CCDC30: variants seen among roughly 807,000 people sequenced by gnomAD.
CCDC30 encodes coiled-coil domain-containing protein 30.
In CCDC30, 70 loss-of-function variants were observed where a neutral mutation model predicts 100.2. The observed-to-expected ratio is 0.70, with a 90% CI of 0.58 to 0.85. The LOEUF (loss-of-function observed/expected upper bound fraction) is 0.85. Among genes scored for constraint, CCDC30 ranks in the 40% least tolerant of loss-of-function variants. The pLI is 0.00. For synonymous variants in CCDC30, 233 were observed against 269.5 expected (o/e 0.86, Z 1.33); for missense variants, 652 against 771.2 (o/e 0.85, Z 1.83).
chr1:42,641,831 G>A (rs980532911), intron 12 of CCDC30, among the ~76,000 whole-genome samples: 5 of 151,836 alleles, frequency 3.3e-5, no homozygotes, highest in African/African-American at 9.7e-5. Flanking sequence ...CTCCAGCCTG[G>A]GCAACAAAGC....
intron 11 of CCDC30, among the ~76,000 whole-genome samples, chr1:42,617,547 C>T (rs1646749488): frequency 6.6e-6 from 1 of 152,122 alleles, no homozygotes; most frequent in Admixed American, 6.6e-5. Flanking sequence ...TTTTATTACT[C>T]AAATCAGTCT....
intron 1 of CCDC30, among the ~76,000 whole-genome samples, chr1:42,466,328 G>A (rs1643580970): frequency 6.6e-6 from 1 of 152,052 alleles, no homozygotes; most frequent in Admixed American, 6.5e-5. Flanking sequence ...TACCTACCAG[G>A]AGAAAAAACA....
At chr1:42,621,192 A>G (rs1387290406) in intron 11 of CCDC30, among the ~76,000 whole-genome samples, 1 of 152,226 alleles carries the variant, frequency 6.6e-6, no homozygotes, top group African/African-American at 2.4e-5. Context: ...GTATTTATGC[A>G]GTACATGAGA....
At chr1:42,505,269 G>A (rs1644377622) in intron 6 of CCDC30, among the ~76,000 whole-genome samples, 1 of 152,120 alleles carries the variant, frequency 6.6e-6, no homozygotes, top group Admixed American at 6.6e-5. Context: ...AGGATTTGCA[G>A]GATAATTGGC....
intron 6 of CCDC30, among the ~76,000 whole-genome samples, chr1:42,532,123 C>A (rs1249728170): frequency 2.6e-5 from 4 of 152,112 alleles, no homozygotes; most frequent in Non-Finnish European, 5.9e-5. Context: ...GAGACCCTGT[C>A]TCTTAAAAAA....
At chr1:42,580,728 A>G (rs149502012) in intron 8 of CCDC30, 30 of 359,750 alleles carry the variant, frequency 8.3e-5, no homozygotes, top group African/African-American at 5.9e-4. Context: ...AAATTTGTAA[A>G]TCATATTTTT....
intron 3 of CCDC30, among the ~76,000 whole-genome samples, chr1:42,484,134 A>T (rs1001487837): frequency 3.5e-5 from 5 of 143,726 alleles, no homozygotes; most frequent in African/African-American, 1.2e-4. Flanking sequence ...AAATAATAAT[A>T]AAAAAAAGAA....
At chr1:42,498,373 G>A (rs533020018) in intron 5 of CCDC30, among the ~76,000 whole-genome samples, 1 of 152,150 alleles carries the variant, frequency 6.6e-6, no homozygotes, top group Non-Finnish European at 1.5e-5. Flanking sequence ...TTGCACAACA[G>A]TGTGCCTGAC....
At chr1:42,515,495 G>A (rs10158717) in intron 6 of CCDC30, among the ~76,000 whole-genome samples, 52,877 of 152,022 alleles carry the variant, frequency 0.35, 9,370 homozygotes, top group East Asian at 0.39. Context: ...CCTTGAGGTT[G>A]AAATGAGACT....
exon 17 of CCDC30, chr1:42,654,098 A>G: frequency 9.0e-7 from 1 of 1,111,944 alleles, no homozygotes; most frequent in Non-Finnish European, 1.3e-6. Flanking sequence ...GTGGACCATG[A>G]CATTGAGAAG....
chr1:42,605,154 CTG>C (rs1185292975), intron 10 of CCDC30, among the ~76,000 whole-genome samples: 1 of 152,216 alleles, frequency 6.6e-6, no homozygotes, highest in Non-Finnish European at 1.5e-5. Context: ...ACCTCTGACA[CTG>C]TGTAGTACCA....
chr1:42,573,266 CTAATT>C (rs1242477332), intron 7 of CCDC30, among the ~76,000 whole-genome samples: 1 of 152,100 alleles, frequency 6.6e-6, no homozygotes, highest in African/African-American at 2.4e-5. Context: ...ATTGAATCCT[CTAATT>C]TAAGAAGAGA....
intron 12 of CCDC30, among the ~76,000 whole-genome samples, chr1:42,641,806 G>T (rs1428889249): frequency 6.6e-6 from 1 of 151,968 alleles, no homozygotes; most frequent in Non-Finnish European, 1.5e-5. Context: ...AGTGAGCCGA[G>T]ATATTGCCAC....
chr1:42,602,646 C>T (rs1393794606), intron 10 of CCDC30, among the ~76,000 whole-genome samples: 1 of 152,180 alleles, frequency 6.6e-6, no homozygotes, highest in Non-Finnish European at 1.5e-5. Context: ...ATTGAATCCA[C>T]ATACTAACCT....
exon 15 of CCDC30, chr1:42,646,239 C>A (rs1405607028): frequency 6.4e-7 from 1 of 1,555,874 alleles, no homozygotes; most frequent in Non-Finnish European, 8.7e-7. Context: ...AGGTCTTCAC[C>A]AGCAACAATG....
chr1:42,491,134 A>G (rs1375482027), intron 4 of CCDC30, among the ~76,000 whole-genome samples: 2 of 152,260 alleles, frequency 1.3e-5, no homozygotes, highest in African/African-American at 4.8e-5. Flanking sequence ...TATAAAATGA[A>G]CACTGCTTTC....
intron 11 of CCDC30, among the ~76,000 whole-genome samples, chr1:42,618,463 C>T (rs931261770): frequency 1.3e-5 from 2 of 151,942 alleles, no homozygotes; most frequent in African/African-American, 2.4e-5. Context: ...CTGGAACTCC[C>T]GACCTCAGGT....
rs572439596 is a variant in CCDC30 at position 42,636,369 on chromosome 1, G to A, written c.1278-868G>A. On this transcript the variant is annotated intron_variant, in intron 11 of 16. Coordinates refer to ENST00000668663, the Ensembl canonical transcript of CCDC30. Reference sequence around the variant, plus strand: ...TGTAGTGAGCCATGATTGTACCACTGCACTCCAGCCTGGGTGACAGAGTGA... The same window carrying A: ...TGTAGTGAGCCATGATTGTACCACTACACTCCAGCCTGGGTGACAGAGTGA... Among the ~76,000 whole-genome samples, 165 of 152,192 alleles carry A rather than the reference G, an allele frequency of 1.1e-3. 1 individual carries two copies. The highest frequency in any genetic ancestry group is 3.8e-3 in the African/African-American group (158 of 41,532).
At chr1:42,577,070 G>T in exon 8 of CCDC30, 1 of 1,614,014 alleles carries the variant, frequency 6.2e-7, no homozygotes. Context: ...ACAGCACAAA[G>T]ATGTGCTCTT....
Sources: gnomAD v4.1 joint callset for allele counts (sites outside exome capture counted in the v4.1 genomes callset) on GRCh38, gnomAD v4.1.1 for gene constraint, MANE v1.5 for transcripts, NCBI Gene and HGNC (gene_info 2026-07-23, HGNC 2026-07-21) for gene names.